CPQ: variants seen among roughly 807,000 people sequenced by gnomAD.
CPQ encodes Ser-Met dipeptidase.
CPQ carries 37 observed loss-of-function variants against 45.7 expected under a neutral mutation model. The ratio of observed to expected loss-of-function variants is 0.81; its 90% CI spans 0.62 to 1.07. The LOEUF is 1.07. Among genes scored for constraint, CPQ ranks in the 50% least tolerant of loss-of-function variants. The pLI is 0.00. For missense variants in CPQ, 537 were observed against 572.9 expected, an observed-to-expected ratio of 0.94 and a Z score of 0.64; for synonymous variants, 186 against 205.8, an observed-to-expected ratio of 0.90 and a Z score of 0.82.
chr8:97,088,730 C>T (rs755173084), intron 7 of CPQ, among the ~76,000 whole-genome samples: 1 of 152,054 alleles, frequency 6.6e-6, no homozygotes, highest in Non-Finnish European at 1.5e-5. Flanking sequence ...AACCTATAGC[C>T]TAGCTTTTAA....
chr8:96,795,872 G>T (rs1344774446), intron 2 of CPQ, among the ~76,000 whole-genome samples: 2 of 151,994 alleles, frequency 1.3e-5, no homozygotes, highest in East Asian at 3.8e-4. Context: ...GAAACAATTA[G>T]TTTTGAAACT....
intron 1 of CPQ, among the ~76,000 whole-genome samples, chr8:96,777,251 G>A (rs184094836): frequency 6.6e-6 from 1 of 152,242 alleles, no homozygotes; most frequent in East Asian, 1.9e-4. Flanking sequence ...ATGAGTAGGG[G>A]AAAATGGTGG....
rs112757698 is a variant in CPQ, at chr8:96,734,039, C to T, written c.-34-50825C>T. Among the ~76,000 whole-genome samples the T allele has an allele frequency of 5.9e-3, 904 of 152,282 alleles. 16 individuals carry two copies. The highest frequency in any genetic ancestry group is 0.016 in the African/African-American group (653 of 41,562). On this transcript the variant is annotated intron_variant, in intron 1 of 7. Transcript: ENST00000220763. ...TGCCTGTCATATGTGGTTTTAAAGG[C>T]AGAACATGGTAGACCTCTAAGAGGC...
chr8:96,759,450 C>T (rs1018355447), intron 1 of CPQ, among the ~76,000 whole-genome samples: 1 of 152,090 alleles, frequency 6.6e-6, no homozygotes, highest in East Asian at 1.9e-4. Context: ...TATTTTTGTA[C>T]TCAATTAAGC....
At chr8:97,009,784 C>T (rs968809657) in intron 5 of CPQ, among the ~76,000 whole-genome samples, 1 of 152,062 alleles carries the variant, frequency 6.6e-6, no homozygotes, top group African/African-American at 2.4e-5. Flanking sequence ...ACAATTTTAT[C>T]CGAGGTCTGT....
chr8:96,995,839 C>G (rs891581423), intron 5 of CPQ, among the ~76,000 whole-genome samples: 1 of 151,910 alleles, frequency 6.6e-6, no homozygotes, highest in Admixed American at 6.6e-5. Context: ...CCATCTCACA[C>G]CAGTCAGAAT....
intron 5 of CPQ, among the ~76,000 whole-genome samples, chr8:96,970,727 C>G (rs1813656711): frequency 6.6e-6 from 1 of 152,100 alleles, no homozygotes. Flanking sequence ...CCACGCCCGG[C>G]TAATTTTTTG....
intron 7 of CPQ, among the ~76,000 whole-genome samples, chr8:97,087,376 G>A (rs940978684): frequency 6.6e-6 from 1 of 151,794 alleles, no homozygotes; most frequent in African/African-American, 2.4e-5. Context: ...AGGCAGCCTC[G>A]CCCAGTATAC....
chr8:96,767,583 T>G (rs1563491725), intron 1 of CPQ, among the ~76,000 whole-genome samples: 2 of 150,886 alleles, frequency 1.3e-5, no homozygotes, highest in Admixed American at 1.3e-4. Context: ...AATTAGTCTT[T>G]GGATATAGAA....
At chr8:96,897,482 G>T (rs2130894064) in intron 4 of CPQ, among the ~76,000 whole-genome samples, 1 of 152,228 alleles carries the variant, frequency 6.6e-6, no homozygotes, top group South Asian at 2.1e-4. Flanking sequence ...TCCAAAATTT[G>T]AAACTTTTTG....
chr8:96,966,161 G>T, intron 5 of CPQ, 115 bp downstream of exon 5: 1 of 676,020 alleles, frequency 1.5e-6, no homozygotes, highest in South Asian at 2.2e-5. Context: ...ATCCTCTTGA[G>T]GTCAGTTGAT....
intron 1 of CPQ, among the ~76,000 whole-genome samples, chr8:96,693,114 G>C (rs971672835): frequency 2.0e-5 from 3 of 152,012 alleles, no homozygotes; most frequent in Admixed American, 6.6e-5. Context: ...TAGTGAGCTT[G>C]AAGACAGGCA....
At chr8:96,820,516 A>T (rs1464602277) in intron 2 of CPQ, among the ~76,000 whole-genome samples, 4 of 151,714 alleles carry the variant, frequency 2.6e-5, no homozygotes, top group African/African-American at 7.3e-5. Flanking sequence ...CTCTATCTTT[A>T]TGAGATCTAC....
At chr8:96,847,958 G>A (rs1420258681) in intron 3 of CPQ, among the ~76,000 whole-genome samples, 2 of 147,420 alleles carry the variant, frequency 1.4e-5, no homozygotes, top group African/African-American at 5.1e-5. Context: ...GAGGCCAGCA[G>A]GGATGTATCT....
intron 5 of CPQ, among the ~76,000 whole-genome samples, chr8:97,019,793 T>C (rs1021413616): frequency 1.3e-4 from 20 of 152,150 alleles, no homozygotes; most frequent in African/African-American, 4.1e-4. Context: ...TTCAGTACTC[T>C]ACTGACAGCA....
chr8:96,784,906 C>T lies in CPQ; in HGVS notation c.9C>T (p.Phe3=). ...ACCAACTGGAAAAAAAAATGAAATT[C>T]CTTATCTTCGCATTTTTCGGTGGTG... The part of the protein sequence containing the change: MK[F]LIFAFFGGVH... Residue 3 remains phenylalanine, a synonymous_variant, in exon 2 of 8, where the codon TTC becomes TTT. Transcript: ENST00000220763. The T allele has an allele frequency of 6.3e-7, 1 of 1,595,286 alleles. No homozygotes were observed. Among genetic ancestry groups the T allele is most frequent in the Admixed American group, 1.8e-5 (1 of 55,456 alleles).
intron 4 of CPQ, among the ~76,000 whole-genome samples, chr8:96,912,612 AT>A (rs1812682300): frequency 1.3e-5 from 2 of 152,330 alleles, no homozygotes; most frequent in East Asian, 3.9e-4. Flanking sequence ...CTGACCTTAT[AT>A]AGGTTTTCTT....
chr8:97,096,786 C>T (rs1240759430), intron 7 of CPQ, among the ~76,000 whole-genome samples: 1 of 152,228 alleles, frequency 6.6e-6, no homozygotes, highest in African/African-American at 2.4e-5. Context: ...TATAGTCCCT[C>T]ATGACTCAGA....
chr8:97,006,119 T>C (rs1809376839), intron 5 of CPQ, among the ~76,000 whole-genome samples: 1 of 152,180 alleles, frequency 6.6e-6, no homozygotes, highest in South Asian at 2.1e-4. Context: ...CTGACTGAAA[T>C]GAAGTCCTTG....
Sources: allele counts gnomAD v4.1 joint callset (sites outside exome capture counted in the v4.1 genomes callset), GRCh38; gene constraint gnomAD v4.1.1; transcripts MANE v1.5; gene names NCBI Gene and HGNC (gene_info 2026-07-23, HGNC 2026-07-21).